The following SLC17A8 variants were observed in gnomAD, a reference collection of about 807,000 sequenced individuals.
SLC17A8 encodes the protein vesicular glutamate transporter 3.
A neutral mutation model predicts 58.0 loss-of-function variants in SLC17A8; 31 were observed. The observed-to-expected ratio is 0.53, with a 90% CI of 0.40 to 0.72. SLC17A8 has a LOEUF of 0.72. Ranked by LOEUF, SLC17A8 falls within the 30% of genes least tolerant of loss-of-function variation. SLC17A8 has a pLI of 0.00. For missense variants in SLC17A8, 655 were observed against 727.8 expected, an observed-to-expected ratio of 0.90 and a Z score of 1.15; for synonymous variants, 228 against 249.0, an observed-to-expected ratio of 0.92 and a Z score of 0.79.
chr12:100,418,155 A>G lies in SLC17A8; in HGVS notation c.1424A>G (p.Lys475Arg). 1.2e-6 allele frequency: 2 copies of G among 1,614,088 alleles called. No individual in the cohort carries two copies. The highest frequency in any genetic ancestry group is 1.7e-6 in the Non-Finnish European group (2 of 1,179,976). ...ATTGTCGGTGCAATGACCAGGCACA[A>G]GGTAAAGGTCTCCTTTGTGGCTATG... ...PLIVGAMTRH[K>R]TREEWQNVFL... The change falls in exon 11 of 12, where the codon AAG becomes AGG. Residue 475 changes from lysine (K) to arginine (R), a missense_variant and splice_region_variant. Physicochemically the swap from Lys to Arg is conservative, Grantham distance 26. Transcript: ENST00000323346.
At chr12:100,379,435 CAA>C (rs150305704) in intron 1 of SLC17A8, among the ~76,000 whole-genome samples, 13 of 136,530 alleles carry the variant, frequency 9.5e-5, no homozygotes, top group Admixed American at 1.5e-4. Context: ...ATTCCGTCCC[CAA>C]AAAAAAAAAA....
At chr12:100,384,337 T>C (rs774922013) in intron 2 of SLC17A8, among the ~76,000 whole-genome samples, 22 of 152,140 alleles carry the variant, frequency 1.4e-4, no homozygotes, top group Non-Finnish European at 2.6e-4. Flanking sequence ...TGGTGGCTCA[T>C]GCCTGTAATC....
intron 2 of SLC17A8, among the ~76,000 whole-genome samples, chr12:100,381,327 G>A (rs186888483): frequency 6.6e-6 from 1 of 152,260 alleles, no homozygotes; most frequent in Non-Finnish European, 1.5e-5. Flanking sequence ...GGGATAGAAA[G>A]GTGAATGACC....
At chr12:100,360,981 G>A (rs972196895) in intron 1 of SLC17A8, among the ~76,000 whole-genome samples, 3 of 152,136 alleles carry the variant, frequency 2.0e-5, no homozygotes, top group African/African-American at 7.2e-5. Context: ...TCCCTGCATC[G>A]TGTCTGTCTT....
chr12:100,390,923 T>C (rs1204085600), intron 2 of SLC17A8, 78 bp from the exon 3 acceptor site: 2 of 911,700 alleles, frequency 2.2e-6, no homozygotes, highest in Non-Finnish European at 3.7e-6. Context: ...GAGGTAATTA[T>C]TGTGTAGGCT....
intron 1 of SLC17A8, among the ~76,000 whole-genome samples, chr12:100,371,535 G>A (rs1376376497): frequency 6.6e-6 from 1 of 151,984 alleles, no homozygotes; most frequent in Non-Finnish European, 1.5e-5. Flanking sequence ...CCTTGGGCAA[G>A]TTTTTTTTGT....
chr12:100,403,336 A>G (rs1466254631), intron 8 of SLC17A8, among the ~76,000 whole-genome samples: 1 of 151,980 alleles, frequency 6.6e-6, no homozygotes, highest in Non-Finnish European at 1.5e-5. Context: ...GGGCGTAGTG[A>G]TGCACACCTG....
chr12:100,363,558 G>C (rs747246132), intron 1 of SLC17A8, among the ~76,000 whole-genome samples: 5 of 152,034 alleles, frequency 3.3e-5, no homozygotes, highest in African/African-American at 1.2e-4. Flanking sequence ...TAGAGATGGG[G>C]TTTCGGTATG....
intron 9 of SLC17A8, chr12:100,404,461 G>T: frequency 2.7e-6 from 1 of 375,678 alleles, no homozygotes; most frequent in Non-Finnish European, 5.1e-6. Flanking sequence ...CAGAAGAAAA[G>T]TAGTCTTTCC....
chr12:100,358,685 T>C (rs2135964748), intron 1 of SLC17A8, among the ~76,000 whole-genome samples: 1 of 152,306 alleles, frequency 6.6e-6, no homozygotes, highest in Non-Finnish European at 1.5e-5. Flanking sequence ...TACAATAACA[T>C]TTTTTTCAGA....
intron 8 of SLC17A8, 39 bp downstream of exon 8, chr12:100,402,784 A>G (rs1200096312): frequency 6.3e-7 from 1 of 1,575,636 alleles, no homozygotes; most frequent in Non-Finnish European, 8.7e-7. Context: ...TGAACTTTAA[A>G]TCTCTTGATT....
At chr12:100,381,316 G>A in intron 2 of SLC17A8, among the ~76,000 whole-genome samples, 1 of 152,188 alleles carries the variant, frequency 6.6e-6, no homozygotes, top group East Asian at 1.9e-4. Context: ...GCAGAATGAT[G>A]GGGATAGAAA....
At chr12:100,366,488 T>C (rs1018716178) in intron 1 of SLC17A8, among the ~76,000 whole-genome samples, 1 of 152,172 alleles carries the variant, frequency 6.6e-6, no homozygotes, top group African/African-American at 2.4e-5. Flanking sequence ...AGTATCAACA[T>C]CAATTTGCCC....
intron 1 of SLC17A8, among the ~76,000 whole-genome samples, chr12:100,370,155 T>C (rs1010856572): frequency 6.6e-6 from 1 of 152,172 alleles, no homozygotes; most frequent in Admixed American, 6.5e-5. Context: ...GGTCTTACTA[T>C]GTTGCCCAGG....
At chr12:100,359,558 G>T (rs961957136) in intron 1 of SLC17A8, among the ~76,000 whole-genome samples, 10 of 152,188 alleles carry the variant, frequency 6.6e-5, no homozygotes, top group Non-Finnish European at 1.5e-4. Flanking sequence ...ATATTGTCAT[G>T]GTTGTCCTAA....
intron 1 of SLC17A8, among the ~76,000 whole-genome samples, chr12:100,359,556 A>C (rs1248121211): frequency 1.3e-5 from 2 of 152,228 alleles, no homozygotes; most frequent in Non-Finnish European, 2.9e-5. Flanking sequence ...AGATATTGTC[A>C]TGGTTGTCCT....
chr12:100,381,578 G>GAGAGAA (rs748233347), intron 2 of SLC17A8, among the ~76,000 whole-genome samples: 27 of 151,414 alleles, frequency 1.8e-4, no homozygotes, highest in Admixed American at 6.6e-4. Flanking sequence ...CAGAGAGAGA[G>GAGAGAA]AGAGAGAGAG....
At chr12:100,364,897 G>T (rs1952509685) in intron 1 of SLC17A8, among the ~76,000 whole-genome samples, 1 of 152,226 alleles carries the variant, frequency 6.6e-6, no homozygotes, top group Admixed American at 6.5e-5. Flanking sequence ...CCCTGGGTGG[G>T]CTGAAGTATA....
chr12:100,414,795 C>T (rs1952894582), intron 10 of SLC17A8, among the ~76,000 whole-genome samples: 1 of 152,198 alleles, frequency 6.6e-6, no homozygotes, highest in South Asian at 2.1e-4. Context: ...CACACCAGCC[C>T]AGTGCCTCTC....
Sources: gnomAD v4.1 joint callset for allele counts (sites outside exome capture counted in the v4.1 genomes callset) on GRCh38, gnomAD v4.1.1 for gene constraint, MANE v1.5 for transcripts, NCBI Gene and HGNC (gene_info 2026-07-23, HGNC 2026-07-21) for gene names.